Variants in LANCL3 observed in about 807,000 individuals in gnomAD.
LANCL3 encodes lanC-like protein 3.
A neutral mutation model predicts 26.5 loss-of-function variants in LANCL3; 19 were observed. The observed-to-expected ratio is 0.72, with a 90% confidence interval of 0.50 to 1.05. The LOEUF (loss-of-function observed/expected upper bound fraction) is 1.05, where lower values mean the gene tolerates loss of function less well. Among genes scored for constraint, LANCL3 ranks in the 50% least tolerant of loss-of-function variants. LANCL3 has a pLI of 0.00. For synonymous variants in LANCL3, 160 were observed against 166.6 expected (o/e 0.96, Z 0.30); for missense variants, 318 against 362.7 (o/e 0.88, Z 1.00).
chrX:37,596,424 A>T (rs1259061879), intron 1 of LANCL3, among the ~76,000 whole-genome samples: 2 of 112,349 alleles, frequency 1.8e-5, no homozygotes, highest in African/African-American at 6.5e-5. Flanking sequence ...TATGTTTTTC[A>T]TCAGGCAAGC....
At position 37,664,684 on chromosome X, in the gene LANCL3, G is replaced by A. The variant is rs142774441; in HGVS notation, c.896-2598G>A. On this transcript the variant is annotated intron_variant, in intron 3 of 4. Coordinates refer to ENST00000378619, the MANE Select transcript of LANCL3 (RefSeq NM_001170331.2). ...TCATGCAGGTAGTGAGCATAGTACCGAATAGGTAGTTTTTCAACCCTTACC... is the reference window on the plus strand; with the variant it reads ...TCATGCAGGTAGTGAGCATAGTACCAAATAGGTAGTTTTTCAACCCTTACC... Among the ~76,000 whole-genome samples, 836 of 111,157 alleles carry A rather than the reference G, an allele frequency of 7.5e-3. 1 individual carries two copies. Among genetic ancestry groups the A allele is most frequent in the African/African-American group, 0.026 (791 of 30,486 alleles).
intron 1 of LANCL3, among the ~76,000 whole-genome samples, chrX:37,575,935 C>T (rs1179338450): frequency 1.8e-5 from 2 of 112,372 alleles, no homozygotes; most frequent in Admixed American, 9.4e-5. Context: ...ATTGTAGAGA[C>T]AGTAATAGTT....
At position 37,593,248 on chromosome X, in the gene LANCL3, C is replaced by T. The variant is rs55714942; in HGVS notation, c.573+20805C>T. On this transcript the variant is annotated intron_variant, in intron 1 of 4. Transcript: ENST00000378619. The stretch of plus-strand genomic sequence containing the variant: ...GTCTTAAAAGGACAGTCCAGGATCA[C>T]GGCTGAGTATTAATACCAAAGGGAG... Among the ~76,000 whole-genome samples the T allele has an allele frequency of 5.2e-3, 582 of 110,964 alleles. 8 individuals carry two copies. Among genetic ancestry groups the T allele is most frequent in the African/African-American group, 0.018 (533 of 30,432 alleles).
chrX:37,655,536 T>C (rs936077924), intron 1 of LANCL3, 152 bp from the exon 2 acceptor site: 3 of 405,220 alleles, frequency 7.4e-6, no homozygotes, highest in Non-Finnish European at 7.9e-6. Flanking sequence ...GAATCAGTGG[T>C]AAAAAAAGAA....
chrX:37,616,650 A>G (rs971301032), intron 1 of LANCL3, among the ~76,000 whole-genome samples: 2 of 112,335 alleles, frequency 1.8e-5, no homozygotes, highest in African/African-American at 6.5e-5. Flanking sequence ...TGAGGTAACA[A>G]GGAGAATAGC....
chrX:37,652,650 G>C (rs1383896883), intron 1 of LANCL3, among the ~76,000 whole-genome samples: 1 of 112,384 alleles, frequency 8.9e-6, no homozygotes, highest in Non-Finnish European at 1.9e-5. Context: ...GTGAAGGCCT[G>C]ATGGCCAGGG....
intron 1 of LANCL3, among the ~76,000 whole-genome samples, chrX:37,606,188 A>G (rs938110262): frequency 1.8e-5 from 2 of 112,085 alleles, no homozygotes; most frequent in African/African-American, 6.5e-5. Flanking sequence ...AACAATATAC[A>G]TGAAATGTTG....
intron 1 of LANCL3, among the ~76,000 whole-genome samples, chrX:37,617,125 G>C (rs1556421778): frequency 9.2e-6 from 1 of 109,265 alleles, no homozygotes; most frequent in African/African-American, 3.3e-5. Context: ...AGTGGGTGGG[G>C]GGGAGGGAGA....
intron 1 of LANCL3, among the ~76,000 whole-genome samples, chrX:37,595,575 CAGA>C (rs1302750976): frequency 8.9e-6 from 1 of 112,200 alleles, no homozygotes; most frequent in Non-Finnish European, 1.9e-5. Context: ...TAGCTTGTGA[CAGA>C]TCCAAATGAT....
At chrX:37,592,228 C>G (rs1351451991) in intron 1 of LANCL3, among the ~76,000 whole-genome samples, 2 of 112,127 alleles carry the variant, frequency 1.8e-5, no homozygotes, top group East Asian at 2.8e-4. Flanking sequence ...AAAAAAGAAC[C>G]ACAGATACAG....
At chrX:37,621,047 CATCAGTA>C (rs1556422207) in intron 1 of LANCL3, among the ~76,000 whole-genome samples, 1 of 111,770 alleles carries the variant, frequency 8.9e-6, no homozygotes, top group Admixed American at 9.5e-5. Context: ...GTTTCTGTCA[CATCAGTA>C]GTCAGTAGTG....
At chrX:37,574,115 C>G (rs1215949983) in intron 1 of LANCL3, among the ~76,000 whole-genome samples, 3 of 106,852 alleles carry the variant, frequency 2.8e-5, no homozygotes, top group African/African-American at 1.0e-4. Flanking sequence ...TTAACCTGAG[C>G]CTGAGCAAAC....
intron 1 of LANCL3, among the ~76,000 whole-genome samples, chrX:37,573,548 A>C (rs782313537): frequency 9.1e-4 from 102 of 111,870 alleles, no homozygotes; most frequent in African/African-American, 3.2e-3. Context: ...GCACTGTGTT[A>C]GCTGGGCAGC....
intron 1 of LANCL3, among the ~76,000 whole-genome samples, chrX:37,607,725 G>A (rs782148295): frequency 8.9e-6 from 1 of 112,040 alleles, no homozygotes; most frequent in East Asian, 2.8e-4. Context: ...GAGTCATTTT[G>A]TATAGGGAGA....
At chrX:37,643,867 G>A (rs1030316561) in intron 1 of LANCL3, among the ~76,000 whole-genome samples, 4 of 111,563 alleles carry the variant, frequency 3.6e-5, no homozygotes, top group Non-Finnish European at 7.5e-5. Flanking sequence ...TGCAGGCATT[G>A]TGCATGTGCT....
chrX:37,603,704 A>C (rs1458021607), intron 1 of LANCL3, among the ~76,000 whole-genome samples: 2 of 112,260 alleles, frequency 1.8e-5, no homozygotes, highest in East Asian at 2.8e-4. Context: ...ACTTTGAAAA[A>C]TTATTGAAAT....
At chrX:37,664,025 G>A (rs1926482584) in intron 3 of LANCL3, among the ~76,000 whole-genome samples, 1 of 111,869 alleles carries the variant, frequency 8.9e-6, no homozygotes. Context: ...CCCTGTGAGG[G>A]GTGGCTGCAT....
chrX:37,630,934 C>T (rs782014042), intron 1 of LANCL3, among the ~76,000 whole-genome samples: 1,548 of 110,863 alleles, frequency 0.014, 26 homozygotes, highest in African/African-American at 0.045. Context: ...TGTCTCTGCC[C>T]GGCTTTGGTA....
chrX:37,662,357 A>G (rs1268832774), intron 3 of LANCL3, among the ~76,000 whole-genome samples: 1 of 112,599 alleles, frequency 8.9e-6, no homozygotes, highest in African/African-American at 3.2e-5. Flanking sequence ...GGTAACACTG[A>G]CAATGCATTT....
Sources: allele counts gnomAD v4.1 joint callset (sites outside exome capture counted in the v4.1 genomes callset), GRCh38; gene constraint gnomAD v4.1.1; transcripts MANE v1.5; gene names NCBI Gene and HGNC (gene_info 2026-07-23, HGNC 2026-07-21).